CNTN6: variants seen among roughly 807,000 people sequenced by gnomAD.
CNTN6 encodes the protein contactin-6.
CNTN6 carries 137 observed loss-of-function variants against 122.8 expected under a neutral mutation model. That is an observed-to-expected ratio of 1.12 (90% CI 0.97 to 1.29). The LOEUF (loss-of-function observed/expected upper bound fraction) is 1.29. Ranked by LOEUF, CNTN6 falls within the 50% of genes most tolerant of loss-of-function variation. The pLI is 0.00. For synonymous variants in CNTN6, 570 were observed against 426.0 expected (o/e 1.34, Z -4.16); for missense variants, 1,634 against 1,223.4 (o/e 1.34, Z -5.01).
rs57028088 is a variant in CNTN6 at position 1,201,099 on chromosome 3, T to TTGTGTGTGTG, written c.56-19550_56-19541dup. Among the ~76,000 whole-genome samples, 675 of 130,072 alleles carry TTGTGTGTGTG rather than the reference T, an allele frequency of 5.2e-3. 8 individuals carry two copies. The highest frequency in any genetic ancestry group is 0.042 in the East Asian group (181 of 4,282). The allele number at this position is 130,072 out of a possible 152,430, so 85.3% of individuals were successfully genotyped here. ...GGCACCACTGTGCCCAGCTAACATT[T>TTGTGTGTGTG]TGTGTGTGTGTGTGTGTGTGTGTGT... On this transcript the variant is annotated intron_variant, in intron 2 of 22. Coordinates refer to ENST00000446702, the MANE Select transcript of CNTN6 (RefSeq NM_001289080.2).
At chr3:1,340,276 C>T (rs898673070) in intron 11 of CNTN6, among the ~76,000 whole-genome samples, 1 of 151,856 alleles carries the variant, frequency 6.6e-6, no homozygotes, top group Non-Finnish European at 1.5e-5. Flanking sequence ...TTTTTTGTTT[C>T]TTCAGAGTTA....
chr3:1,177,298 G>T (rs550371723), intron 2 of CNTN6, among the ~76,000 whole-genome samples: 2 of 152,272 alleles, frequency 1.3e-5, no homozygotes, highest in East Asian at 3.9e-4. Context: ...ATGAAGTATT[G>T]TGTCTACCTT....
intron 4 of CNTN6, among the ~76,000 whole-genome samples, chr3:1,266,056 A>G (rs1474277787): frequency 6.6e-6 from 1 of 151,952 alleles, no homozygotes; most frequent in Non-Finnish European, 1.5e-5. Context: ...TGCGTCACCC[A>G]TACAACCAGT....
intron 7 of CNTN6, among the ~76,000 whole-genome samples, chr3:1,317,674 G>C (rs556612682): frequency 2.0e-5 from 3 of 151,586 alleles, no homozygotes; most frequent in Non-Finnish European, 2.9e-5. Context: ...TCCTCTTCAA[G>C]AGCCATTCTG....
intron 11 of CNTN6, among the ~76,000 whole-genome samples, chr3:1,344,600 A>G (rs1416136919): frequency 3.9e-5 from 6 of 152,114 alleles, no homozygotes; most frequent in Non-Finnish European, 8.8e-5. Flanking sequence ...AGGAGAAGAG[A>G]GTTTAGGCTT....
intron 11 of CNTN6, among the ~76,000 whole-genome samples, chr3:1,331,489 G>A (rs1702284282): frequency 6.6e-6 from 1 of 151,992 alleles, no homozygotes. Context: ...CCTGACTCAG[G>A]TTGGGTCTCT....
chr3:1,178,478 T>C (rs966231364), intron 2 of CNTN6, among the ~76,000 whole-genome samples: 1 of 152,186 alleles, frequency 6.6e-6, no homozygotes, highest in African/African-American at 2.4e-5. Context: ...GCATATTGTC[T>C]GTGTTTTCCA....
intron 12 of CNTN6, among the ~76,000 whole-genome samples, chr3:1,361,103 G>A (rs1426568845): frequency 2.6e-5 from 4 of 151,970 alleles, no homozygotes; most frequent in African/African-American, 9.7e-5. Context: ...GTCTCCCAGG[G>A]GACATTGGCA....
At chr3:1,240,088 C>G (rs1013471883) in intron 4 of CNTN6, among the ~76,000 whole-genome samples, 3 of 151,970 alleles carry the variant, frequency 2.0e-5, no homozygotes, top group Non-Finnish European at 2.9e-5. Context: ...AACATTGGAA[C>G]AACACTTCCA....
chr3:1,214,962 T>C (rs1241860956), intron 2 of CNTN6, among the ~76,000 whole-genome samples: 1 of 152,170 alleles, frequency 6.6e-6, no homozygotes. Context: ...CTCCCTATAG[T>C]ACCCAGGCTC....
intron 1 of CNTN6, among the ~76,000 whole-genome samples, chr3:1,093,991 AC>A (rs1253097776): frequency 6.6e-6 from 1 of 152,230 alleles, no homozygotes; most frequent in African/African-American, 2.4e-5. Context: ...TCACAGAATG[AC>A]TAAATAGAAG....
At chr3:1,153,249 C>T (rs1384307903) in intron 2 of CNTN6, among the ~76,000 whole-genome samples, 2 of 152,156 alleles carry the variant, frequency 1.3e-5, no homozygotes, top group African/African-American at 2.4e-5. Context: ...CAACATAGAG[C>T]TAGTCACATG....
At chr3:1,377,478 T>G (rs1040781983) in intron 17 of CNTN6, among the ~76,000 whole-genome samples, 7 of 152,288 alleles carry the variant, frequency 4.6e-5, no homozygotes, top group Admixed American at 1.3e-4. Context: ...GATCAACTCA[T>G]TCTTCCCTGC....
At chr3:1,180,220 A>C (rs2093529115) in intron 2 of CNTN6, among the ~76,000 whole-genome samples, 1 of 152,224 alleles carries the variant, frequency 6.6e-6, no homozygotes, top group Non-Finnish European at 1.5e-5. Context: ...AGAAAGAGAG[A>C]GAGAGACAGT....
At chr3:1,344,010 T>A (rs982884615) in intron 11 of CNTN6, among the ~76,000 whole-genome samples, 6 of 152,168 alleles carry the variant, frequency 3.9e-5, no homozygotes, top group African/African-American at 1.4e-4. Flanking sequence ...ATGATTTAGA[T>A]AATGACTCAG....
chr3:1,222,607 A>G (rs1487657370), intron 3 of CNTN6, among the ~76,000 whole-genome samples: 1 of 152,172 alleles, frequency 6.6e-6, no homozygotes, highest in Admixed American at 6.6e-5. Context: ...ATGTTGTTAA[A>G]TGGCTTTTAT....
At position 1,266,486 on chromosome 3, in the gene CNTN6, G is replaced by A. The variant is rs1243566565; in HGVS notation, c.359-11927G>A. On this transcript the variant is annotated intron_variant, in intron 4 of 22. Transcript: ENST00000446702. ...GTCCATGGGAAGTCTTTAAAAAAAT[G>A]TTCTTGCTTCACGCTTCTTGTATAA... 2.0e-5 allele frequency among the ~76,000 whole-genome samples: 3 copies of A among 152,162 alleles called. No individual in the cohort carries two copies. The East Asian group carries it at 5.8e-4, about 29-fold the overall frequency.
At chr3:1,313,214 G>C (rs552430350) in intron 7 of CNTN6, among the ~76,000 whole-genome samples, 8 of 152,076 alleles carry the variant, frequency 5.3e-5, no homozygotes, top group African/African-American at 1.9e-4. Flanking sequence ...TAGACAAGCT[G>C]TTAGTGAACT....
intron 12 of CNTN6, among the ~76,000 whole-genome samples, chr3:1,362,493 C>T (rs573105434): frequency 6.6e-6 from 1 of 152,032 alleles, no homozygotes; most frequent in African/African-American, 2.4e-5. Flanking sequence ...CTAGAACTGA[C>T]AATTGCAAGT....
Sources: allele counts gnomAD v4.1 joint callset (sites outside exome capture counted in the v4.1 genomes callset), GRCh38; gene constraint gnomAD v4.1.1; transcripts MANE v1.5; gene names NCBI Gene and HGNC (gene_info 2026-07-23, HGNC 2026-07-21).